The following YES1 variants were observed in gnomAD, a reference collection of about 807,000 sequenced individuals.
YES1 encodes YES proto-oncogene 1, Src family tyrosine kinase, also known as tyrosine-protein kinase Yes.
In YES1, 39 loss-of-function variants were observed where a neutral mutation model predicts 70.4. That is an observed-to-expected ratio of 0.55 (90% CI 0.43 to 0.72). YES1 has a LOEUF of 0.72. Ranked by LOEUF, YES1 falls within the 30% of genes least tolerant of loss-of-function variation. The pLI is 0.00. For missense variants in YES1, 495 were observed against 644.8 expected (o/e 0.77, Z 2.52); for synonymous variants, 198 against 218.6 (o/e 0.91, Z 0.83).
intron 1 of YES1, among the ~76,000 whole-genome samples, chr18:808,934 TAAG>T (rs1227616294): frequency 6.6e-6 from 1 of 152,224 alleles, no homozygotes; most frequent in Admixed American, 6.5e-5. Context: ...ATGGCATTCT[TAAG>T]AATAGAAAAA....
chr18:741,704 G>C (rs2080218851), intron 8 of YES1, among the ~76,000 whole-genome samples: 1 of 152,174 alleles, frequency 6.6e-6, no homozygotes. Context: ...TCAGGAGGCT[G>C]AGATGAGAGG....
chr18:800,999 A>G (rs1397109265), intron 1 of YES1, among the ~76,000 whole-genome samples: 1 of 151,926 alleles, frequency 6.6e-6, no homozygotes, highest in Non-Finnish European at 1.5e-5. Flanking sequence ...TATAAAAATT[A>G]GCTGGGTGTG....
chr18:734,478 C>A (rs1335988676), intron 10 of YES1, among the ~76,000 whole-genome samples: 4 of 151,846 alleles, frequency 2.6e-5, no homozygotes, highest in Non-Finnish European at 5.9e-5. Context: ...ATGGCGAGAA[C>A]CCGGGAGGCA....
intron 1 of YES1, among the ~76,000 whole-genome samples, chr18:791,762 G>A (rs1184403600): frequency 6.6e-6 from 1 of 151,958 alleles, no homozygotes; most frequent in Admixed American, 6.6e-5. Context: ...ATTAAAATCT[G>A]GTGTGTACTG....
At chr18:800,871 G>A (rs542561097) in intron 1 of YES1, among the ~76,000 whole-genome samples, 1 of 152,282 alleles carries the variant, frequency 6.6e-6, no homozygotes, top group South Asian at 2.1e-4. Flanking sequence ...ACAAAGGCTG[G>A]GTGTGGTGGC....
intron 9 of YES1, among the ~76,000 whole-genome samples, chr18:737,788 T>C (rs1035912706): frequency 9.9e-5 from 15 of 152,198 alleles, no homozygotes; most frequent in African/African-American, 3.6e-4. Flanking sequence ...GGTGCAATCG[T>C]GGCTCACTGC....
Position 739,726 on chromosome 18 carries a change from T to C in YES1, c.1137+9A>G, listed in dbSNP as rs1488074881. Reference sequence around the variant, plus strand: ...TAATTCAAATGGATACATGTATATATACAGATACCTGAGCAGCCATATCAA... The same window carrying C: ...TAATTCAAATGGATACATGTATATACACAGATACCTGAGCAGCCATATCAA... On this transcript the variant is annotated intron_variant, in intron 9 of 11. Coordinates refer to ENST00000314574, the MANE Select transcript of YES1 (RefSeq NM_005433.4). The C allele has an allele frequency of 6.9e-6, 11 of 1,603,982 alleles. No individual in the cohort carries two copies. Among genetic ancestry groups the C allele is most frequent in the Non-Finnish European group, 9.4e-6 (11 of 1,173,252 alleles).
intron 1 of YES1, among the ~76,000 whole-genome samples, chr18:757,858 A>C (rs940744070): frequency 3.9e-5 from 6 of 152,022 alleles, no homozygotes; most frequent in African/African-American, 1.4e-4. Flanking sequence ...CTGGGTGATA[A>C]AATTATCTGT....
chr18:737,068 T>C (rs2080162378), intron 9 of YES1, 107 bp from the exon 10 acceptor site: 1 of 955,578 alleles, frequency 1.0e-6, no homozygotes, highest in African/African-American at 1.7e-5. Context: ...CATATTATTT[T>C]AGAAGGAGAT....
At chr18:782,192 T>C (rs541937794) in intron 1 of YES1, among the ~76,000 whole-genome samples, 2 of 152,252 alleles carry the variant, frequency 1.3e-5, no homozygotes, top group Non-Finnish European at 2.9e-5. Flanking sequence ...ACTATGCTCA[T>C]GTGCTTCATT....
rs202050703 is a variant in YES1 at position 745,726 on chromosome 18, A to G, written c.706T>C (p.Leu236=). The part of the protein sequence containing the change: ...TRAQFDTLQK[L]VKHYTEHADG... ...CACATACCTGTGTAGTGTTTCACCAATTTCTGCAGAGTATCAAATTGTGCT... is the reference window on the plus strand; with the variant it reads ...CACATACCTGTGTAGTGTTTCACCAGTTTCTGCAGAGTATCAAATTGTGCT... The change falls in exon 6 of 12, where the codon TTG becomes CTG. Residue 236 remains leucine (L), a synonymous_variant. Coordinates refer to ENST00000314574, the MANE Select transcript of YES1 (RefSeq NM_005433.4). The G allele has an allele frequency of 9.3e-6, 15 of 1,609,128 alleles. No homozygotes were observed. The highest frequency in any genetic ancestry group is 4.5e-5 in the East Asian group (2 of 44,774).
intron 3 of YES1, among the ~76,000 whole-genome samples, chr18:750,975 A>C (rs2080334816): frequency 6.6e-6 from 1 of 152,202 alleles, no homozygotes; most frequent in Non-Finnish European, 1.5e-5. Context: ...GTAAATTCTC[A>C]ATGAATGATT....
At chr18:800,701 T>G (rs975817708) in intron 1 of YES1, among the ~76,000 whole-genome samples, 11 of 152,188 alleles carry the variant, frequency 7.2e-5, no homozygotes, top group Non-Finnish European at 1.3e-4. Context: ...CAAATAAAAT[T>G]TCCATTGGTA....
At chr18:774,668 G>A (rs901400396) in intron 1 of YES1, among the ~76,000 whole-genome samples, 1 of 152,036 alleles carries the variant, frequency 6.6e-6, no homozygotes, top group Non-Finnish European at 1.5e-5. Flanking sequence ...CCTGGTCTAG[G>A]TCACATCACC....
Position 753,098 on chromosome 18 carries a change from T to A in YES1, c.272-1294A>T, listed in dbSNP as rs982835939. On this transcript the variant is annotated intron_variant, in intron 2 of 11. Coordinates refer to ENST00000314574, the MANE Select transcript of YES1 (RefSeq NM_005433.4). ...CAAACAAAACAAATAATAAAACAGATGTATACAATATGCATGACATCTCAG... is the reference window on the plus strand; with the variant it reads ...CAAACAAAACAAATAATAAAACAGAAGTATACAATATGCATGACATCTCAG... Among the ~76,000 whole-genome samples, 6 of 152,162 alleles carry A rather than the reference T, an allele frequency of 3.9e-5. No individual in the cohort carries two copies. In the East Asian group the frequency reaches 1.2e-3, roughly 29 times the overall value.
At chr18:782,948 C>T (rs1905749157) in intron 1 of YES1, among the ~76,000 whole-genome samples, 1 of 152,248 alleles carries the variant, frequency 6.6e-6, no homozygotes, top group African/African-American at 2.4e-5. Context: ...TCCCGAAGTG[C>T]TGCGATTACA....
intron 2 of YES1, among the ~76,000 whole-genome samples, chr18:752,429 C>T (rs2080354623): frequency 6.6e-6 from 1 of 152,054 alleles, no homozygotes; most frequent in African/African-American, 2.4e-5. Flanking sequence ...AATTTTGACT[C>T]ACTGTAGCAA....
intron 3 of YES1, among the ~76,000 whole-genome samples, chr18:749,753 G>A (rs557404004): frequency 1.3e-5 from 2 of 151,490 alleles, no homozygotes; most frequent in South Asian, 2.1e-4. Flanking sequence ...CCAGCTACTC[G>A]GGAGGCTTAG....
chr18:792,543 CT>C (rs1159611028), intron 1 of YES1, among the ~76,000 whole-genome samples: 25 of 128,516 alleles, frequency 1.9e-4, no homozygotes, highest in African/African-American at 7.6e-4. Context: ...CTCTCTCTCT[CT>C]CTCTCTCTCT....
Sources: allele counts gnomAD v4.1 joint callset (sites outside exome capture counted in the v4.1 genomes callset), GRCh38; gene constraint gnomAD v4.1.1; transcripts MANE v1.5; gene names NCBI Gene and HGNC (gene_info 2026-07-23, HGNC 2026-07-21).